ELL2: variants seen among roughly 807,000 people sequenced by gnomAD.
ELL2 encodes the protein RNA polymerase II elongation factor ELL2.
In ELL2, 21 loss-of-function variants were observed where a neutral mutation model predicts 72.8. The observed-to-expected ratio is 0.29, with a 90% CI of 0.20 to 0.42. The LOEUF is 0.42. Ranked by LOEUF, ELL2 falls within the 10% of genes least tolerant of loss-of-function variation. The pLI, the probability that ELL2 is intolerant of heterozygous loss-of-function variation, is 1.00. For synonymous variants in ELL2, 266 were observed against 283.2 expected, an observed-to-expected ratio of 0.94 and a Z score of 0.61; for missense variants, 568 against 772.8, an observed-to-expected ratio of 0.73 and a Z score of 3.14.
At chr5:95,956,263 C>T (rs763526810) in intron 1 of ELL2, among the ~76,000 whole-genome samples, 11 of 152,176 alleles carry the variant, frequency 7.2e-5, no homozygotes, top group Non-Finnish European at 1.3e-4. Flanking sequence ...GAACACCCTC[C>T]GTTGCATTGA....
intron 2 of ELL2, among the ~76,000 whole-genome samples, chr5:95,923,672 C>A (rs540964892): frequency 6.6e-6 from 1 of 151,554 alleles, no homozygotes; most frequent in Non-Finnish European, 1.5e-5. Context: ...ATGGTCTGAG[C>A]TAAGCCCAGG....
At chr5:95,908,145 A>G (rs1323692655) in intron 4 of ELL2, among the ~76,000 whole-genome samples, 3 of 152,248 alleles carry the variant, frequency 2.0e-5, no homozygotes, top group African/African-American at 7.2e-5. Context: ...CTTAAGTTAT[A>G]ATTAGAGTTT....
intron 3 of ELL2, among the ~76,000 whole-genome samples, chr5:95,916,368 A>C (rs1749799362): frequency 6.6e-6 from 1 of 152,136 alleles, no homozygotes; most frequent in South Asian, 2.1e-4. Context: ...CTCAGGAGGG[A>C]ACCAACTGTG....
chr5:95,907,292 A>ATTTTTTTTTTTTTT (rs895711670), intron 4 of ELL2, among the ~76,000 whole-genome samples: 63 of 76,036 alleles, frequency 8.3e-4, no homozygotes, highest in African/African-American at 4.5e-3. Flanking sequence ...ATATATATAT[A>ATTTTTTTTTTTTTT]TATATTTTTT....
intron 1 of ELL2, among the ~76,000 whole-genome samples, chr5:95,947,936 T>C (rs1394103956): frequency 6.6e-6 from 1 of 152,212 alleles, no homozygotes; most frequent in South Asian, 2.1e-4. Flanking sequence ...TACCATTTTA[T>C]TTAATACATA....
In ELL2 at chr5:95,947,520, C is replaced by T. The variant is rs747339160; in HGVS notation, c.148-4471G>A. On this transcript the variant is annotated intron_variant, in intron 1 of 11. Coordinates refer to ENST00000237853, the MANE Select transcript of ELL2 (RefSeq NM_012081.6). ...TTTTATATCTATCGTCTCAAGTGAG[C>T]CTCCTAAAACCAGCCCTGGGTGGTA... Among the ~76,000 whole-genome samples, 4 of 152,280 alleles carry T rather than the reference C, an allele frequency of 2.6e-5. No homozygotes were observed. The South Asian group carries it at 8.3e-4, about 32-fold the overall frequency.
At chr5:95,924,569 G>A (rs1750218127) in intron 2 of ELL2, among the ~76,000 whole-genome samples, 1 of 152,080 alleles carries the variant, frequency 6.6e-6, no homozygotes, top group Non-Finnish European at 1.5e-5. Flanking sequence ...TATTTAAAAA[G>A]TATTAAAATG....
chr5:95,944,979 C>T (rs963702757), intron 1 of ELL2, among the ~76,000 whole-genome samples: 4 of 152,180 alleles, frequency 2.6e-5, no homozygotes, highest in Non-Finnish European at 5.9e-5. Context: ...TCTGATCACA[C>T]CTTTCATTTC....
intron 5 of ELL2, among the ~76,000 whole-genome samples, chr5:95,901,359 A>AT (rs1391129189): frequency 6.6e-6 from 1 of 152,212 alleles, no homozygotes; most frequent in Non-Finnish European, 1.5e-5. Context: ...AAAAGTGAAG[A>AT]TTTTAAAAAA....
At chr5:95,959,825 G>A (rs1285804064) in intron 1 of ELL2, among the ~76,000 whole-genome samples, 1 of 152,154 alleles carries the variant, frequency 6.6e-6, no homozygotes, top group Non-Finnish European at 1.5e-5. Flanking sequence ...GTCCTAGCAC[G>A]TACATTCATG....
At chr5:95,943,089 G>A (rs1751029854) in intron 1 of ELL2, 40 bp from the exon 2 acceptor site, 2 of 1,549,128 alleles carry the variant, frequency 1.3e-6, no homozygotes, top group Non-Finnish European at 8.8e-7. Context: ...GTAAACCTTG[G>A]TTACTGTGAC....
chr5:95,956,404 A>G (rs1751629088), intron 1 of ELL2, among the ~76,000 whole-genome samples: 1 of 152,226 alleles, frequency 6.6e-6, no homozygotes, highest in Non-Finnish European at 1.5e-5. Flanking sequence ...AGTAGGATTA[A>G]TTTATTTAAA....
At chr5:95,924,030 G>A (rs1015026958) in intron 2 of ELL2, among the ~76,000 whole-genome samples, 8 of 152,264 alleles carry the variant, frequency 5.3e-5, no homozygotes, top group Non-Finnish European at 8.8e-5. Flanking sequence ...GACAATTAGG[G>A]CAGGTTGGTG....
chr5:95,945,937 A>T (rs990277472), intron 1 of ELL2, among the ~76,000 whole-genome samples: 1 of 152,202 alleles, frequency 6.6e-6, no homozygotes, highest in Non-Finnish European at 1.5e-5. Context: ...TTTAAGTTTC[A>T]GACCTCAGGA....
At chr5:95,929,637 C>G (rs1340684233) in intron 2 of ELL2, among the ~76,000 whole-genome samples, 1 of 151,984 alleles carries the variant, frequency 6.6e-6, no homozygotes, top group Non-Finnish European at 1.5e-5. Context: ...TCTGAAGAAA[C>G]TTAGATTAAA....
chr5:95,933,478 C>G (rs565768316), intron 2 of ELL2, among the ~76,000 whole-genome samples: 78 of 152,082 alleles, frequency 5.1e-4, no homozygotes, highest in Non-Finnish European at 9.7e-4. Context: ...TAGGAAAATG[C>G]TCATGATACA....
At chr5:95,900,588 T>C (rs1325335008) in intron 7 of ELL2, 105 bp downstream of exon 7, 1 of 835,306 alleles carries the variant, frequency 1.2e-6, no homozygotes, top group Non-Finnish European at 1.8e-6. Flanking sequence ...GCAGGCAAGC[T>C]GTCCAGCTTC....
intron 2 of ELL2, among the ~76,000 whole-genome samples, chr5:95,920,088 T>C (rs531422325): frequency 6.6e-6 from 1 of 152,246 alleles, no homozygotes; most frequent in South Asian, 2.1e-4. Flanking sequence ...GTTAATGCCA[T>C]AATTGCATTC....
At chr5:95,922,253 A>G (rs1190914265) in intron 2 of ELL2, among the ~76,000 whole-genome samples, 1 of 152,154 alleles carries the variant, frequency 6.6e-6, no homozygotes, top group Non-Finnish European at 1.5e-5. Flanking sequence ...TAGTAGACAC[A>G]GGGTTTCACT....
Sources: gnomAD v4.1 joint callset for allele counts (sites outside exome capture counted in the v4.1 genomes callset) on GRCh38, gnomAD v4.1.1 for gene constraint, MANE v1.5 for transcripts, NCBI Gene and HGNC (gene_info 2026-07-23, HGNC 2026-07-21) for gene names.